RGP1: variants seen among roughly 807,000 people sequenced by gnomAD.
RGP1 encodes the protein RAB6A-GEF complex partner protein 2.
RGP1 carries 28 observed loss-of-function variants against 44.5 expected under a neutral mutation model. The ratio of observed to expected loss-of-function variants is 0.63; its 90% CI spans 0.47 to 0.86. The LOEUF is 0.86. Ranked by LOEUF, RGP1 falls within the 40% of genes least tolerant of loss-of-function variation. The pLI, the probability that RGP1 is intolerant of heterozygous loss-of-function variation, is 0.00. For synonymous variants in RGP1, 212 were observed against 196.7 expected (o/e 1.08, Z -0.65); for missense variants, 417 against 490.7 (o/e 0.85, Z 1.42).
chr9:35,763,694 C>T, the RGP1 span, among the ~76,000 whole-genome samples: 5 of 151,948 alleles, frequency 3.3e-5, no homozygotes, highest in Non-Finnish European at 7.4e-5. Context: ...CCAGCCTGGC[C>T]AACATGGCGA....
At chr9:35,775,763 C>T in the RGP1 span, among the ~76,000 whole-genome samples, 32 of 152,254 alleles carry the variant, frequency 2.1e-4, no homozygotes, top group Admixed American at 1.4e-3. Context: ...AGTGTAAAAA[C>T]AAGCAAACTC....
rs1388926092 is a variant in RGP1 at position 35,749,565 on chromosome 9, T to C, written c.-20+157T>C. Reference sequence around the variant, plus strand: ...AGAGCGATGTCCTCCCCCTGGGCAGTACTGAGTCTTCAGTCGCCTCCCTCC... The same window carrying C: ...AGAGCGATGTCCTCCCCCTGGGCAGCACTGAGTCTTCAGTCGCCTCCCTCC... On this transcript the variant is annotated intron_variant, in intron 1 of 8. Transcript: ENST00000378078. This position sits in a 1 kb window ranked among gnomAD's most constrained non-coding sequence, Gnocchi z 4.4. 1.3e-5 allele frequency among the ~76,000 whole-genome samples: 2 copies of C among 152,068 alleles called. No homozygotes were observed. Among genetic ancestry groups the C allele is most frequent in the Non-Finnish European group, 2.9e-5 (2 of 67,990 alleles).
At chr9:35,789,334 T>C in the RGP1 span, among the ~76,000 whole-genome samples, 1 of 87,422 alleles carries the variant, frequency 1.1e-5, no homozygotes, top group Non-Finnish European at 2.2e-5. Flanking sequence ...ACTTCCTTTT[T>C]TTTTTTTTTT....
rs1386976041 is a variant in RGP1, at chr9:35,754,620, T to G, written c.*1746T>G. The G allele has an allele frequency of 2.0e-5, 3 of 152,762 alleles. No individual in the cohort carries two copies. The highest frequency in any genetic ancestry group is 7.2e-5 in the African/African-American group (3 of 41,448). 9.5% of individuals were successfully genotyped at this position (152,762 alleles called of 1,614,324 possible). On this transcript the variant is annotated 3_prime_UTR_variant, in exon 9 of 9. Transcript: ENST00000378078. ...GGGTGTGTATGCTGGGATCCCTGCC[T>G]GGACCGGAGGGAGGCATTTCCTGGG...
At position 35,750,255 on chromosome 9, in the gene RGP1, C is replaced by T. The variant is rs1444570885; in HGVS notation, c.129C>T (p.Ala43=). 2 of 1,613,640 alleles carry T rather than the reference C, an allele frequency of 1.2e-6. No homozygotes were observed. Residue 43 remains alanine, a synonymous_variant, in exon 3 of 9, where the codon GCC becomes GCT. Transcript: ENST00000378078. The part of the protein sequence containing the change: ...TATSASSEAL[A]WASAQIHCQF... ...CCTTTTCCCACAGTGAGGCCCTGGC[C>T]TGGGCCAGTGCCCAAATCCACTGCC...
At chr9:35,766,041 G>A in the RGP1 span, among the ~76,000 whole-genome samples, 137 of 150,386 alleles carry the variant, frequency 9.1e-4, no homozygotes, top group African/African-American at 3.2e-3. Flanking sequence ...CACCATGTTA[G>A]CCAGGATGAT....
At chr9:35,782,754 C>G in the RGP1 span, among the ~76,000 whole-genome samples, 1 of 150,150 alleles carries the variant, frequency 6.7e-6, no homozygotes, top group African/African-American at 2.5e-5. Flanking sequence ...CCAGATAAAA[C>G]AGACTTTTAA....
chr9:35,751,021 G>A (rs763493071), intron 5 of RGP1, 32 bp downstream of exon 5: 70 of 1,610,440 alleles, frequency 4.3e-5, no homozygotes, highest in Non-Finnish European at 5.7e-5. Flanking sequence ...GAAGGGCTGG[G>A]GAAGGGCGAT....
chr9:35,759,599 A>G (rs988778127), downstream of RGP1, among the ~76,000 whole-genome samples: 12 of 127,260 alleles, frequency 9.4e-5, no homozygotes, highest in Non-Finnish European at 1.9e-4. Flanking sequence ...AAAAAAAAAA[A>G]AGAATTCTTT....
the RGP1 span, among the ~76,000 whole-genome samples, chr9:35,779,011 A>G: frequency 6.6e-6 from 1 of 152,328 alleles, no homozygotes; most frequent in South Asian, 2.1e-4. Flanking sequence ...CTTATTTCAT[A>G]TAACCTTCCC....
chr9:35,749,311 ACGCCGCCGCCGC>A lies in RGP1; in HGVS notation c.-104_-93del. 3.8e-6 allele frequency: 2 copies of A among 521,124 alleles called. No individual in the cohort carries two copies. Among genetic ancestry groups the A allele is most frequent in the Non-Finnish European group, 7.8e-6 (2 of 254,882 alleles). The allele number at this position is 521,124 out of a possible 1,614,324, so 32.3% of individuals were successfully genotyped here. A position where few individuals can be genotyped will look rare whatever the true frequency, so the allele number is the denominator to read the frequency against. On this transcript the variant is annotated 5_prime_UTR_variant, in exon 1 of 9. Transcript: ENST00000378078. This position sits in a 1 kb window ranked among gnomAD's most constrained non-coding sequence, Gnocchi z 4.4. ...AAGTCCCGCCTCTACCGCCCAGCGG[ACGCCGCCGCCGC>A]CGCCGCCGCCGCGTACCTAGCCAGG...
At position 35,752,076 on chromosome 9, in the gene RGP1, C is replaced by G; in HGVS notation, c.883C>G (p.His295Asp). The G allele has an allele frequency of 6.2e-7, 1 of 1,609,824 alleles. No individual in the cohort carries two copies. Among genetic ancestry groups the G allele is most frequent in the Non-Finnish European group, 8.5e-7 (1 of 1,177,672 alleles). Residue 295 changes from histidine (H) to aspartate (D), a missense_variant, in exon 8 of 9, where the codon CAT becomes GAT. His to Asp is a moderately conservative substitution (Grantham distance 81). Transcript: ENST00000378078. The part of the protein sequence containing the change: ...THARHQESCL[H>D]TTRTSFSLPI... ...CGCCCGGCACCAGGAATCCTGCCTACATACAACTAGAACCAGCTTCTCCCT... is the reference window on the plus strand; with the variant it reads ...CGCCCGGCACCAGGAATCCTGCCTAGATACAACTAGAACCAGCTTCTCCCT...
chr9:35,781,514 A>G, the RGP1 span, among the ~76,000 whole-genome samples: 1 of 152,062 alleles, frequency 6.6e-6, no homozygotes. Flanking sequence ...TGGAGGCCGC[A>G]GATGTTAGAC....
At chr9:35,780,964 T>G in the RGP1 span, among the ~76,000 whole-genome samples, 96 of 152,214 alleles carry the variant, frequency 6.3e-4, 2 homozygotes, top group East Asian at 0.018. Flanking sequence ...GAGAAAACAT[T>G]TATTTGAATT....
Position 35,752,100 on chromosome 9 carries a change from C to T in RGP1, c.907C>T (p.Leu303Phe). 2 of 1,595,656 alleles carry T rather than the reference C, an allele frequency of 1.3e-6. No individual in the cohort carries two copies. Among genetic ancestry groups the T allele is most frequent in the Admixed American group, 1.7e-5 (1 of 58,144 alleles). ...CLHTTRTSFS[L>F]PIPLSSTPGF... ...ACATACAACTAGAACCAGCTTCTCC[C>T]TCCCAATCCCTCTCAGCTCCACCCC... Residue 303 changes from leucine (L) to phenylalanine (F), a missense_variant, in exon 8 of 9, where the codon CTC (leucine) becomes TTC (phenylalanine). Transcript: ENST00000378078.
chr9:35,789,137 C>G, the RGP1 span, among the ~76,000 whole-genome samples: 9 of 152,144 alleles, frequency 5.9e-5, no homozygotes, highest in African/African-American at 2.2e-4. Context: ...CCTGCCCCAG[C>G]CTCCCAAGTA....
At chr9:35,775,021 C>G in the RGP1 span, among the ~76,000 whole-genome samples, 3 of 152,074 alleles carry the variant, frequency 2.0e-5, no homozygotes, top group African/African-American at 7.2e-5. Context: ...CTCCTGTGTT[C>G]CTTTGGGAGA....
the RGP1 span, among the ~76,000 whole-genome samples, chr9:35,785,836 G>A: frequency 2.6e-5 from 4 of 151,662 alleles, no homozygotes; most frequent in African/African-American, 7.3e-5. Flanking sequence ...ATATCCAGTC[G>A]GCCACCAAAT....
At chr9:35,783,089 G>A in the RGP1 span, among the ~76,000 whole-genome samples, 74 of 152,214 alleles carry the variant, frequency 4.9e-4, no homozygotes, top group African/African-American at 1.8e-3. Context: ...GATTACAGGC[G>A]TGAGCCACTG....
Sources: gnomAD v4.1 joint callset for allele counts (sites outside exome capture counted in the v4.1 genomes callset) on GRCh38, gnomAD v4.1.1 for gene constraint, Gnocchi (gnomAD v3.1) non-coding constraint, MANE v1.5 for transcripts, NCBI Gene and HGNC (gene_info 2026-07-23, HGNC 2026-07-21) for gene names.